The following FOXJ3 variants were observed in gnomAD, a reference collection of about 807,000 sequenced individuals.
The protein encoded by FOXJ3 is forkhead box protein J3.
In FOXJ3, 22 loss-of-function variants were observed where a neutral mutation model predicts 76.1. The ratio of observed to expected loss-of-function variants is 0.29; its 90% confidence interval spans 0.21 to 0.41. FOXJ3 has a LOEUF of 0.41. Ranked by LOEUF, FOXJ3 falls within the 10% of genes least tolerant of loss-of-function variation. The pLI, the probability that FOXJ3 is intolerant of heterozygous loss-of-function variation, is 1.00. For synonymous variants in FOXJ3, 269 were observed against 261.2 expected (o/e 1.03, Z -0.29); for missense variants, 613 against 762.1 (o/e 0.80, Z 2.30).
chr1:42,214,081 C>T (rs79448619), intron 5 of FOXJ3, among the ~76,000 whole-genome samples: 67 of 152,116 alleles, frequency 4.4e-4, no homozygotes, highest in African/African-American at 1.6e-3. Flanking sequence ...CAAAGGAATA[C>T]TCAATGGTGA....
intron 1 of FOXJ3, among the ~76,000 whole-genome samples, chr1:42,319,363 T>G (rs1425746076): frequency 6.6e-6 from 1 of 152,202 alleles, no homozygotes. Context: ...GTATAACCCT[T>G]AACAACATTA....
intron 8 of FOXJ3, among the ~76,000 whole-genome samples, chr1:42,193,318 C>T (rs1336748627): frequency 6.6e-6 from 1 of 151,470 alleles, no homozygotes; most frequent in South Asian, 2.1e-4. Flanking sequence ...AATGGGGATA[C>T]TGAGGTCCAG....
intron 4 of FOXJ3, among the ~76,000 whole-genome samples, chr1:42,237,346 G>A (rs4660614): frequency 6.6e-6 from 1 of 150,474 alleles, no homozygotes; most frequent in Non-Finnish European, 1.5e-5. Flanking sequence ...CTGCACTCCA[G>A]CCTGGGCAAC....
intron 8 of FOXJ3, among the ~76,000 whole-genome samples, 153 bp downstream of exon 8, chr1:42,194,737 A>G (rs1569815264): frequency 6.6e-6 from 1 of 152,352 alleles, no homozygotes; most frequent in Non-Finnish European, 1.5e-5. Flanking sequence ...TAAATAGAAC[A>G]CAGTAAAGGC....
intron 2 of FOXJ3, among the ~76,000 whole-genome samples, chr1:42,296,784 G>C (rs1202411955): frequency 6.6e-6 from 1 of 152,154 alleles, no homozygotes; most frequent in Non-Finnish European, 1.5e-5. Flanking sequence ...CGCTCTGGCT[G>C]AGTGCTTTTT....
intron 4 of FOXJ3, among the ~76,000 whole-genome samples, chr1:42,243,317 C>T (rs1649297008): frequency 6.6e-6 from 1 of 152,008 alleles, no homozygotes; most frequent in African/African-American, 2.4e-5. Context: ...CAGAAAACCA[C>T]CAAATTGCAA....
chr1:42,224,652 C>A (rs1327271285), intron 5 of FOXJ3, among the ~76,000 whole-genome samples: 1 of 148,292 alleles, frequency 6.7e-6, no homozygotes, highest in Non-Finnish European at 1.5e-5. Context: ...GACTCTGTCT[C>A]AAAAGAAAAA....
At chr1:42,180,078 C>A (rs1397296149) in intron 12 of FOXJ3, among the ~76,000 whole-genome samples, 1 of 152,142 alleles carries the variant, frequency 6.6e-6, no homozygotes, top group Non-Finnish European at 1.5e-5. Context: ...TTCACTTGAT[C>A]CACACTCCTT....
At chr1:42,194,578 C>T (rs1470327582) in intron 8 of FOXJ3, among the ~76,000 whole-genome samples, 1 of 152,160 alleles carries the variant, frequency 6.6e-6, no homozygotes, top group Non-Finnish European at 1.5e-5. Context: ...ACTTCATATG[C>T]CAGATATCAC....
At chr1:42,215,598 AAATTC>A (rs1372356227) in intron 5 of FOXJ3, among the ~76,000 whole-genome samples, 2 of 152,236 alleles carry the variant, frequency 1.3e-5, no homozygotes, top group African/African-American at 2.4e-5. Flanking sequence ...CAAATTTAAC[AAATTC>A]AATTAGCTCA....
At chr1:42,276,355 T>C (rs762627509) in intron 3 of FOXJ3, among the ~76,000 whole-genome samples, 1 of 150,294 alleles carries the variant, frequency 6.7e-6, no homozygotes, top group Non-Finnish European at 1.5e-5. Flanking sequence ...GACTCTGTCT[T>C]AAAAAAAAGG....
intron 1 of FOXJ3, among the ~76,000 whole-genome samples, chr1:42,331,296 C>T (rs577873056): frequency 1.3e-5 from 2 of 152,090 alleles, no homozygotes; most frequent in East Asian, 3.9e-4. Context: ...GTGGGAGAAT[C>T]GCTTGAACCT....
At chr1:42,299,239 C>T (rs1226721699) in intron 2 of FOXJ3, among the ~76,000 whole-genome samples, 1 of 152,138 alleles carries the variant, frequency 6.6e-6, no homozygotes, top group Admixed American at 6.5e-5. Flanking sequence ...TATTGTATTG[C>T]TATCAATCTG....
chr1:42,216,320 C>G (rs1321554262), intron 5 of FOXJ3, among the ~76,000 whole-genome samples: 1 of 151,834 alleles, frequency 6.6e-6, no homozygotes, highest in Admixed American at 6.6e-5. Context: ...AGATCGAGAC[C>G]ATCCTGGCTA....
rs574630123 is a variant in FOXJ3, at chr1:42,181,026, C to G, written c.1753+891G>C. ...TCAGCAAAGGACATATCACTTGATC[C>G]CAACTCCTTCCTCACTGCTGTCTGC... On this transcript the variant is annotated intron_variant, in intron 12 of 12. Coordinates refer to ENST00000361346, the MANE Select transcript of FOXJ3 (RefSeq NM_014947.5). 1.5e-3 allele frequency among the ~76,000 whole-genome samples: 228 copies of G among 152,342 alleles called. 1 individual carries two copies. The highest frequency in any genetic ancestry group is 5.3e-3 in the African/African-American group (222 of 41,572).
At chr1:42,270,603 T>G (rs1034195369) in intron 3 of FOXJ3, among the ~76,000 whole-genome samples, 1 of 152,020 alleles carries the variant, frequency 6.6e-6, no homozygotes, top group Non-Finnish European at 1.5e-5. Flanking sequence ...AGAAAAGAAG[T>G]TGGTGAAGTG....
chr1:42,327,947 T>C (rs983478078), intron 1 of FOXJ3, among the ~76,000 whole-genome samples: 4 of 152,126 alleles, frequency 2.6e-5, no homozygotes, highest in African/African-American at 4.8e-5. Flanking sequence ...AGACTCTACA[T>C]TGATTTGAAG....
At chr1:42,249,033 G>A (rs1300066038) in intron 4 of FOXJ3, among the ~76,000 whole-genome samples, 2 of 152,048 alleles carry the variant, frequency 1.3e-5, no homozygotes, top group African/African-American at 4.8e-5. Flanking sequence ...TTAGTTTGCT[G>A]AGGATGGTGG....
At chr1:42,186,207 A>G (rs1312459170) in intron 11 of FOXJ3, among the ~76,000 whole-genome samples, 1 of 152,150 alleles carries the variant, frequency 6.6e-6, no homozygotes, top group Non-Finnish European at 1.5e-5. Context: ...AAAGACACTG[A>G]CACTTAAAAC....
Sources: allele counts gnomAD v4.1 joint callset (sites outside exome capture counted in the v4.1 genomes callset), GRCh38; gene constraint gnomAD v4.1.1; transcripts MANE v1.5; gene names NCBI Gene and HGNC (gene_info 2026-07-23, HGNC 2026-07-21).